STKLD1: variants seen among roughly 807,000 people sequenced by gnomAD.
The protein encoded by STKLD1 is serine/threonine kinase-like domain-containing protein STKLD1.
In STKLD1, 79 loss-of-function variants were observed where a neutral mutation model predicts 80.4. The observed-to-expected ratio is 0.98, with a 90% confidence interval of 0.82 to 1.19. The LOEUF is 1.19. Among genes scored for constraint, STKLD1 ranks in the 50% most tolerant of loss-of-function variants. The pLI, the probability that STKLD1 is intolerant of heterozygous loss-of-function variation, is 0.00. For synonymous variants in STKLD1, 393 were observed against 357.6 expected, an observed-to-expected ratio of 1.10 and a Z score of -1.12; for missense variants, 841 against 856.0, an observed-to-expected ratio of 0.98 and a Z score of 0.22.
rs950824329 is a variant in STKLD1, at chr9:133,394,597, G to A, written c.702+188G>A. Among the ~76,000 whole-genome samples, 25 of 152,184 alleles carry A rather than the reference G, an allele frequency of 1.6e-4. No homozygotes were observed. ...CAGAACCCCTCAGCTTGCAGCACCTGCTGGGCTCTAGCAGGATAATGACAG... is the reference window on the plus strand; with the variant it reads ...CAGAACCCCTCAGCTTGCAGCACCTACTGGGCTCTAGCAGGATAATGACAG... On this transcript the variant is annotated intron_variant, in intron 8 of 17. Coordinates refer to ENST00000371957, the MANE Select transcript of STKLD1 (RefSeq NM_153710.5). This position sits in a 1 kb window ranked among gnomAD's most constrained non-coding sequence, Gnocchi z 4.9.
intron 2 of STKLD1, among the ~76,000 whole-genome samples, chr9:133,382,590 G>A (rs2130269547): frequency 0.047 from 7,171 of 151,364 alleles, 567 homozygotes; most frequent in African/African-American, 0.16. Context: ...TGGTGATGGT[G>A]TGATGATGGT....
chr9:133,388,445 C>T (rs958120215), intron 5 of STKLD1, among the ~76,000 whole-genome samples: 3 of 152,102 alleles, frequency 2.0e-5, no homozygotes, highest in African/African-American at 7.2e-5. Context: ...CAAGGTTTTG[C>T]TATGTTGCCC....
At chr9:133,401,939 T>C (rs1838717811) in intron 13 of STKLD1, 61 bp downstream of exon 13, 18 of 1,589,334 alleles carry the variant, frequency 1.1e-5, no homozygotes, top group Non-Finnish European at 1.5e-5. Flanking sequence ...CCCAGGGGTC[T>C]TGGAAGGGTT....
intron 17 of STKLD1, 97 bp downstream of exon 17, chr9:133,405,026 G>A (rs1838813563): frequency 2.6e-6 from 4 of 1,513,822 alleles, no homozygotes; most frequent in Non-Finnish European, 3.6e-6. Context: ...ATGGAAGGTG[G>A]GCTCAACCCC....
chr9:133,394,372 G>C lies in STKLD1; in HGVS notation c.665G>C (p.Cys222Ser). 6.2e-7 allele frequency: 1 copy of C among 1,613,784 alleles called. No individual in the cohort carries two copies. The highest frequency in any genetic ancestry group is 8.5e-7 in the Non-Finnish European group (1 of 1,179,864). The change falls in exon 8 of 18, where the codon TGC (cysteine) becomes TCC (serine). Residue 222 changes from cysteine to serine, a missense_variant. By Grantham distance (112) the Cys-to-Ser change is moderately radical. Coordinates refer to ENST00000371957, the MANE Select transcript of STKLD1 (RefSeq NM_153710.5). The surrounding 1 kb of genome is among the most constrained non-coding windows in gnomAD (Gnocchi z 4.9). ...SQKSDIWSLG[C>S]IILDMTSCSF... ...AAATCAGACATCTGGTCCCTGGGCT[G>C]CATCATTCTGGACATGACCAGCTGC... is the stretch of plus-strand genomic sequence containing the variant.
chr9:133,388,702 G>A (rs1838318461), intron 5 of STKLD1: 1 of 966,500 alleles, frequency 1.0e-6, no homozygotes, highest in Admixed American at 6.2e-5. Flanking sequence ...TCTTATGGAA[G>A]CTTGGTTATT....
chr9:133,401,640 A>C, intron 12 of STKLD1, 98 bp from the exon 13 acceptor site: 1 of 1,419,220 alleles, frequency 7.0e-7, no homozygotes, highest in Non-Finnish European at 9.4e-7. Context: ...CCTTCATGCA[A>C]AGTGGAGATG....
rs2119214532 is a variant in STKLD1, at chr9:133,385,427, C to T, written c.220-190C>T. 6.6e-6 allele frequency among the ~76,000 whole-genome samples: 1 copy of T among 152,326 alleles called. No homozygotes were observed. Among genetic ancestry groups the T allele is most frequent in the East Asian group, 1.9e-4 (1 of 5,186 alleles). ...GCCCAGTCACCCAGCACAGCCAGCT[C>T]ATGCTGGAGACAGGACCCACATCGG... On this transcript the variant is annotated intron_variant, in intron 3 of 17. Coordinates refer to ENST00000371957, the MANE Select transcript of STKLD1 (RefSeq NM_153710.5). The surrounding 1 kb of genome is among the most constrained non-coding windows in gnomAD (Gnocchi z 4.9).
intron 2 of STKLD1, among the ~76,000 whole-genome samples, chr9:133,382,100 C>T (rs1469585231): frequency 6.6e-6 from 1 of 152,214 alleles, no homozygotes; most frequent in Non-Finnish European, 1.5e-5. Context: ...CACCACCCTT[C>T]CCTTTCCATG....
intron 11 of STKLD1, among the ~76,000 whole-genome samples, chr9:133,399,317 T>C (rs1242765467): frequency 2.0e-5 from 3 of 152,240 alleles, no homozygotes; most frequent in Non-Finnish European, 2.9e-5. Context: ...CTGAGGTTTG[T>C]TGCAGTGGCT....
Position 133,390,731 on chromosome 9 carries a change from T to G in STKLD1, c.518T>G (p.Leu173Arg). Residue 173 changes from leucine to arginine, a missense_variant, in exon 7 of 18, where the codon CTG becomes CGG. By Grantham distance (102) the Leu-to-Arg change is moderately radical (BLOSUM62 -2). Coordinates refer to ENST00000371957, the MANE Select transcript of STKLD1 (RefSeq NM_153710.5). The surrounding 1 kb of genome is among the most constrained non-coding windows in gnomAD (Gnocchi z 5.1). ...CTCATCAGCAGTGACCACTGCAAAC[T>G]GCAGGACCTGAGTTCCAATGTGCTA... ...IILISSDHCK[L>R]QDLSSNVLMT... The G allele has an allele frequency of 6.2e-7, 1 of 1,613,908 alleles. No individual in the cohort carries two copies. Among genetic ancestry groups the G allele is most frequent in the Non-Finnish European group, 8.5e-7 (1 of 1,179,966 alleles).
intron 17 of STKLD1, 91 bp from the exon 18 acceptor site, chr9:133,405,161 G>T: frequency 6.8e-7 from 1 of 1,469,682 alleles, no homozygotes; most frequent in East Asian, 2.3e-5. Flanking sequence ...CAAGCCCAAG[G>T]GGGAATGTGA....
intron 9 of STKLD1, 41 bp downstream of exon 9, chr9:133,395,804 T>C (rs371666720): frequency 3.8e-6 from 6 of 1,593,986 alleles, no homozygotes; most frequent in African/African-American, 1.3e-5. Context: ...TGTGGATTTA[T>C]CTTTCAACAT....
rs2130283880 is a variant in STKLD1 at position 133,389,340 on chromosome 9, G to A, written c.397-186G>A. On this transcript the variant is annotated intron_variant, in intron 5 of 17. Transcript: ENST00000371957. This position sits in a 1 kb window ranked among gnomAD's most constrained non-coding sequence, Gnocchi z 6.4. ...TCAGAGTCCTTCTGGCTGCCGCCGCGGCTTTACCATCTGGAGAGCCACCAC... is the reference window on the plus strand; with the variant it reads ...TCAGAGTCCTTCTGGCTGCCGCCGCAGCTTTACCATCTGGAGAGCCACCAC... 6 of 985,154 alleles carry A rather than the reference G, an allele frequency of 6.1e-6. No individual in the cohort carries two copies. Among genetic ancestry groups the A allele is most frequent in the African/African-American group, 5.2e-5 (3 of 57,186 alleles). The allele number at this position is 985,154 out of a possible 1,614,324, so 61.0% of individuals were successfully genotyped here.
At position 133,385,644 on chromosome 9, in the gene STKLD1, G is replaced by A. The variant is rs2130275064; in HGVS notation, c.247G>A (p.Ala83Thr). 39 of 1,613,286 alleles carry A rather than the reference G, an allele frequency of 2.4e-5. No homozygotes were observed. Among genetic ancestry groups the A allele is most frequent in the Middle Eastern group, 1.6e-4 (1 of 6,062 alleles). The change falls in exon 4 of 18, where the codon GCC becomes ACC. Residue 83 changes from alanine (A) to threonine (T), a missense_variant. Coordinates refer to ENST00000371957, the MANE Select transcript of STKLD1 (RefSeq NM_153710.5). The surrounding 1 kb of genome is among the most constrained non-coding windows in gnomAD (Gnocchi z 4.9). ...ELMPLLKLRH[A>T]HISVYQELFI... Reference sequence around the variant, plus strand: ...GATGCCACTGCTGAAGCTGCGGCACGCCCACATCTCTGTGTACCAGGAGCT... The same window carrying A: ...GATGCCACTGCTGAAGCTGCGGCACACCCACATCTCTGTGTACCAGGAGCT...
chr9:133,377,657 CTG>C (rs936108100), intron 1 of STKLD1, among the ~76,000 whole-genome samples: 2 of 151,436 alleles, frequency 1.3e-5, no homozygotes, highest in African/African-American at 4.9e-5. Flanking sequence ...GAGCAAAACT[CTG>C]TCTCAGAAAG....
At position 133,376,549 on chromosome 9, in the gene STKLD1, G is replaced by A. The variant is rs2130249295; in HGVS notation, c.76G>A (p.Glu26Lys). 3.8e-6 allele frequency: 6 copies of A among 1,598,532 alleles called. No homozygotes were observed. The South Asian group carries it at 6.8e-5, about 18-fold the overall frequency. Residue 26 changes from glutamate to lysine, a missense_variant, in exon 1 of 18, where the codon GAG (glutamate) becomes AAG (lysine). Glu to Lys is a moderately conservative substitution (Grantham distance 56). Transcript: ENST00000371957. ...CCCAGGGTCCCCCGGAGAGCCCATG[G>A]AGAAGTACCAGGTGCCGAGTGTTCC... is the stretch of plus-strand genomic sequence containing the variant. ...RGPGSPGEPM[E>K]KYQVLYQLNP...
chr9:133,391,136 T>TG (rs2130288147), intron 7 of STKLD1, among the ~76,000 whole-genome samples: 69 of 146,632 alleles, frequency 4.7e-4, no homozygotes, highest in East Asian at 8.1e-4. Flanking sequence ...CGGAGGGAGG[T>TG]GGGGGGGGTC....
rs782326103 is a variant in STKLD1 at position 133,400,413 on chromosome 9, G to A, written c.1082G>A (p.Gly361Asp). Residue 361 changes from glycine (G) to aspartate (D), a missense_variant and splice_region_variant, in exon 12 of 18, where the codon GGT (glycine) becomes GAT (aspartate). Gly to Asp is a moderately conservative substitution (Grantham distance 94). Transcript: ENST00000371957. Reference sequence around the variant, plus strand: ...TCCCCTGTGCCGCCCGCCCTGCCAGGTCTGCCGTGGCCCCCGGAGCTGGTG... The same window carrying A: ...TCCCCTGTGCCGCCCGCCCTGCCAGATCTGCCGTGGCCCCCGGAGCTGGTG... ...RLLKMPADQLGLPWPPELVEV... is the reference protein window; with the variant it reads ...RLLKMPADQLDLPWPPELVEV... The A allele has an allele frequency of 3.1e-6, 5 of 1,611,612 alleles. No individual in the cohort carries two copies. Among genetic ancestry groups the A allele is most frequent in the Middle Eastern group, 1.7e-4 (1 of 6,060 alleles).
Sources: gnomAD v4.1 joint callset for allele counts (sites outside exome capture counted in the v4.1 genomes callset) on GRCh38, gnomAD v4.1.1 for gene constraint, Gnocchi (gnomAD v3.1) non-coding constraint, MANE v1.5 for transcripts, NCBI Gene and HGNC (gene_info 2026-07-23, HGNC 2026-07-21) for gene names.